The following PLVAP variants were observed in gnomAD, a reference collection of about 807,000 sequenced individuals.
PLVAP encodes the protein plasmalemma vesicle-associated protein.
In PLVAP, 34 loss-of-function variants were observed where a neutral mutation model predicts 43.1. That is an observed-to-expected ratio of 0.79 (90% CI 0.60 to 1.05). The LOEUF is 1.05. Ranked by LOEUF, PLVAP falls within the 50% of genes least tolerant of loss-of-function variation. The pLI is 0.00. For missense variants in PLVAP, 574 were observed against 593.4 expected (o/e 0.97, Z 0.34); for synonymous variants, 241 against 237.3 (o/e 1.02, Z -0.14).
chr19:17,355,285 T>A (rs1045007567), intron 5 of PLVAP, among the ~76,000 whole-genome samples: 1 of 150,474 alleles, frequency 6.6e-6, no homozygotes, highest in Non-Finnish European at 1.5e-5. Context: ...AAATCTTTTT[T>A]AAAAAAAGCT....
At chr19:17,353,872 C>T (rs1263476771) in intron 5 of PLVAP, among the ~76,000 whole-genome samples, 3 of 152,188 alleles carry the variant, frequency 2.0e-5, no homozygotes, top group African/African-American at 2.4e-5. Context: ...GCACCATGCC[C>T]GGTTACCAGC....
intron 1 of PLVAP, among the ~76,000 whole-genome samples, chr19:17,366,508 T>C (rs1249773621): frequency 6.6e-6 from 1 of 152,122 alleles, no homozygotes. Flanking sequence ...GTTTGTCTGA[T>C]CTTCAAAAGC....
At position 17,377,259 on chromosome 19, in the gene PLVAP, G is replaced by A. The variant is rs773959322; in HGVS notation, c.30C>T (p.Ser10=). 4 of 1,613,494 alleles carry A rather than the reference G, an allele frequency of 2.5e-6. No individual in the cohort carries two copies. The highest frequency in any genetic ancestry group is 2.5e-6 in the Non-Finnish European group (3 of 1,179,664). MGLAMEHGG[S]YARAGGSSRG... ...GAGAGCTGCCCCCCGCCCGAGCGTA[G>A]GACCCTCCGTGCTCCATGGCCAGAC... The change falls in exon 1 of 6, where the codon TCC becomes TCT. Residue 10 remains serine (S), a synonymous_variant. Coordinates refer to ENST00000252590, the MANE Select transcript of PLVAP (RefSeq NM_031310.3).
chr19:17,376,374 C>T (rs1346672133), intron 1 of PLVAP, among the ~76,000 whole-genome samples: 1 of 151,968 alleles, frequency 6.6e-6, no homozygotes, highest in East Asian at 1.9e-4. Context: ...CCTGTAGTCC[C>T]AGCTACTCAG....
intron 1 of PLVAP, among the ~76,000 whole-genome samples, chr19:17,367,450 G>A (rs1461473436): frequency 4.6e-5 from 7 of 151,090 alleles, no homozygotes; most frequent in African/African-American, 7.3e-5. Context: ...GTGCAATGGC[G>A]CGATCTCGGC....
At chr19:17,358,950 C>T (rs1229827956) in intron 5 of PLVAP, among the ~76,000 whole-genome samples, 1 of 151,858 alleles carries the variant, frequency 6.6e-6, no homozygotes, top group East Asian at 1.9e-4. Context: ...CAGGTGCGCA[C>T]CACCACACCT....
rs1386172914 is a variant in PLVAP, at chr19:17,366,199, C to T, written c.370-4G>A. On this transcript the variant is annotated splice_region_variant and splice_polypyrimidine_tract_variant and intron_variant, in intron 1 of 5. Transcript: ENST00000252590. ...TCTGATTGTTCGTGTAGATGACCTGCCCGGAAGATAGGGGAAGGACGCAGG... is the reference window on the plus strand; with the variant it reads ...TCTGATTGTTCGTGTAGATGACCTGTCCGGAAGATAGGGGAAGGACGCAGG... 1.2e-6 allele frequency: 2 copies of T among 1,613,470 alleles called. No individual in the cohort carries two copies. Among genetic ancestry groups the T allele is most frequent in the African/African-American group, 1.3e-5 (1 of 74,732 alleles).
At chr19:17,356,956 T>C (rs752678873) in intron 5 of PLVAP, among the ~76,000 whole-genome samples, 2 of 149,644 alleles carry the variant, frequency 1.3e-5, no homozygotes, top group Non-Finnish European at 3.0e-5. Context: ...AGAAACTCCG[T>C]CTCAAAAACA....
At chr19:17,357,232 T>C (rs1224574221) in intron 5 of PLVAP, among the ~76,000 whole-genome samples, 1 of 151,922 alleles carries the variant, frequency 6.6e-6, no homozygotes, top group Non-Finnish European at 1.5e-5. Flanking sequence ...AGACGGAGGT[T>C]GCAGTGAGCT....
At chr19:17,373,320 T>C (rs2074581981) in intron 1 of PLVAP, among the ~76,000 whole-genome samples, 1 of 151,594 alleles carries the variant, frequency 6.6e-6, no homozygotes, top group African/African-American at 2.4e-5. Flanking sequence ...TTTTGGCGGA[T>C]AGAGACAGGG....
chr19:17,359,841 A>C (rs1028408124), intron 5 of PLVAP, among the ~76,000 whole-genome samples: 1 of 151,970 alleles, frequency 6.6e-6, no homozygotes, highest in Non-Finnish European at 1.5e-5. Flanking sequence ...TCCAAGCATG[A>C]GCCACTGTGC....
At chr19:17,352,850 C>T (rs1448322814) in intron 5 of PLVAP, among the ~76,000 whole-genome samples, 1 of 152,188 alleles carries the variant, frequency 6.6e-6, no homozygotes, top group Non-Finnish European at 1.5e-5. Context: ...CCCCAGTGCC[C>T]TCAGGAGAAA....
At chr19:17,359,951 C>G (rs553199409) in intron 5 of PLVAP, among the ~76,000 whole-genome samples, 3 of 152,206 alleles carry the variant, frequency 2.0e-5, no homozygotes, top group Non-Finnish European at 4.4e-5. Context: ...TCACCCCCGT[C>G]CAGCCTCCAG....
At position 17,360,795 on chromosome 19, in the gene PLVAP, G is replaced by A; in HGVS notation, c.1217C>T (p.Pro406Leu). 3 of 1,614,082 alleles carry A rather than the reference G, an allele frequency of 1.9e-6. No individual in the cohort carries two copies. Among genetic ancestry groups the A allele is most frequent in the Non-Finnish European group, 1.7e-6 (2 of 1,179,896 alleles). The change falls in exon 4 of 6, where the codon CCT (proline) becomes CTT (leucine). Residue 406 changes from proline (P) to leucine (L), a missense_variant. Coordinates refer to ENST00000252590, the MANE Select transcript of PLVAP (RefSeq NM_031310.3). ...ACCGATGGGCTGGGGGTTGGGGACA[G>A]GGCCCATGGGCCTTGACACTGGCAT... Reference protein sequence around the residue: ...PMMPVSRPMGPVPNPQPIDPA... With the variant: ...PMMPVSRPMGLVPNPQPIDPA...
At chr19:17,374,294 G>T (rs1378913986) in intron 1 of PLVAP, among the ~76,000 whole-genome samples, 1 of 152,046 alleles carries the variant, frequency 6.6e-6, no homozygotes, top group South Asian at 2.1e-4. Flanking sequence ...GTGAAACCCG[G>T]TCTCTACTAA....
intron 1 of PLVAP, among the ~76,000 whole-genome samples, chr19:17,370,911 C>T (rs2074569600): frequency 6.6e-6 from 1 of 151,556 alleles, no homozygotes. Flanking sequence ...AAAAAATTAG[C>T]CAGGCGTGGT....
intron 5 of PLVAP, among the ~76,000 whole-genome samples, chr19:17,353,280 G>C (rs1224693092): frequency 6.6e-6 from 1 of 152,208 alleles, no homozygotes; most frequent in East Asian, 1.9e-4. Context: ...CCTGCTGCCA[G>C]CCTGCAAGGC....
In PLVAP at chr19:17,365,460, C is replaced by T. The variant is rs771318318; in HGVS notation, c.1005G>A (p.Lys335=). The change falls in exon 3 of 6, where the codon AAG becomes AAA. Residue 335 remains lysine, a synonymous_variant. Transcript: ENST00000252590. The part of the protein sequence containing the change: ...VEKEAQAREA[K]LQAECSRQTQ... ...TCTGCCGGGAGCATTCAGCTTGGAGCTTGGCCTCCCGGGCCTGAGCCTCCT... is the reference window on the plus strand; with the variant it reads ...TCTGCCGGGAGCATTCAGCTTGGAGTTTGGCCTCCCGGGCCTGAGCCTCCT... 14 of 1,612,812 alleles carry T rather than the reference C, an allele frequency of 8.7e-6. No homozygotes were observed. The South Asian group carries it at 1.5e-4, about 18-fold the overall frequency.
intron 1 of PLVAP, among the ~76,000 whole-genome samples, chr19:17,370,847 G>A (rs1486191818): frequency 1.3e-5 from 2 of 152,032 alleles, no homozygotes; most frequent in Admixed American, 1.3e-4. Flanking sequence ...ACGAGGTCAG[G>A]AGATCTAGAC....
Sources: gnomAD v4.1 joint callset for allele counts (sites outside exome capture counted in the v4.1 genomes callset) on GRCh38, gnomAD v4.1.1 for gene constraint, MANE v1.5 for transcripts, NCBI Gene and HGNC (gene_info 2026-07-23, HGNC 2026-07-21) for gene names.